Variants in COL11A2 observed in about 807,000 individuals in gnomAD.
COL11A2 encodes the protein collagen type XI alpha 2 chain, also known as collagen alpha-2(XI) chain.
COL11A2 carries 116 observed loss-of-function variants against 273.4 expected under a neutral mutation model. The ratio of observed to expected loss-of-function variants is 0.42; its 90% CI spans 0.36 to 0.49. COL11A2 has a LOEUF of 0.49. Among genes scored for constraint, COL11A2 ranks in the 20% least tolerant of loss-of-function variants. The probability of loss-of-function intolerance (pLI) is 0.00; values close to 1 mark genes in which losing one functional copy is unlikely to be tolerated. For synonymous variants in COL11A2, 782 were observed against 864.2 expected (o/e 0.90, Z 1.67); for missense variants, 1,866 against 2,309.0 (o/e 0.81, Z 3.93).
rs1770827134 is a variant in COL11A2 at position 33,175,895 on chromosome 6, G to A, written c.2268+121C>T. The A allele has an allele frequency of 3.8e-6, 5 of 1,318,098 alleles. No individual in the cohort carries two copies. In the African/African-American group the frequency reaches 4.3e-5, roughly 11 times the overall value. The allele number at this position is 1,318,098 out of a possible 1,614,324, so 81.7% of individuals were successfully genotyped here. A position where few individuals can be genotyped will look rare whatever the true frequency, so the allele number is the denominator to read the frequency against. Reference sequence around the variant, plus strand: ...CATCCTGTAGGGGTCAGGCTCCCAAGGGAACACAGCACTGGAACTGTGGAG... The same window carrying A: ...CATCCTGTAGGGGTCAGGCTCCCAAAGGAACACAGCACTGGAACTGTGGAG... On this transcript the variant is annotated intron_variant, in intron 29 of 65. Transcript: ENST00000341947.
At chr6:33,192,096 T>A in intron 1 of COL11A2, 63 bp downstream of exon 1, 1 of 1,482,594 alleles carries the variant, frequency 6.7e-7, no homozygotes, top group Non-Finnish European at 9.2e-7. Flanking sequence ...AGCTGGCCCC[T>A]TCCCAGAGAC....
At position 33,177,658 on chromosome 6, in the gene COL11A2, T is replaced by C; in HGVS notation, c.1917+4A>G. Reference sequence around the variant, plus strand: ...GGGGGTGGGATCTCCTATCCATCACTCACCAAGCTCCCTTTGGGGCCCTGG... The same window carrying C: ...GGGGGTGGGATCTCCTATCCATCACCCACCAAGCTCCCTTTGGGGCCCTGG... On this transcript the variant is annotated splice_donor_region_variant and intron_variant, in intron 22 of 65. Transcript: ENST00000341947. This position sits in a 1 kb window ranked among gnomAD's most constrained non-coding sequence, Gnocchi z 5.9. 4 of 1,612,846 alleles carry C rather than the reference T, an allele frequency of 2.5e-6. No homozygotes were observed. The highest frequency in any genetic ancestry group is 3.4e-6 in the Non-Finnish European group (4 of 1,179,940).
upstream of COL11A2, among the ~76,000 whole-genome samples, chr6:33,193,377 C>T (rs927715132): frequency 6.8e-6 from 1 of 146,858 alleles, no homozygotes; most frequent in Non-Finnish European, 1.5e-5. Flanking sequence ...CCACCGCCCC[C>T]CCTTCCTCCT....
In COL11A2 at chr6:33,177,193, AGGGCCGATGGCACCCTG is replaced by A; in HGVS notation, c.1987_2003del (p.Gln663SerfsTer67). 6.2e-7 allele frequency: 1 copy of A among 1,613,026 alleles called. No individual in the cohort carries two copies. Among genetic ancestry groups the A allele is most frequent in the Non-Finnish European group, 8.5e-7 (1 of 1,180,012 alleles). ...CTTAGTCACTTACCTTCTCTCCATG[AGGGCCGATGGCACCCTG>A]GGGCCCGGGAAGACCCTACATACAG... On this transcript the variant is annotated frameshift_variant, in exon 24 of 66. Transcript: ENST00000341947. LOFTEE classifies it high-confidence loss of function. The surrounding 1 kb of genome is among the most constrained non-coding windows in gnomAD (Gnocchi z 5.9).
rs771224567 is a variant in COL11A2 at position 33,167,021 on chromosome 6, G to A, written c.4230+49C>T. The A allele has an allele frequency of 2.0e-5, 33 of 1,610,706 alleles. No individual in the cohort carries two copies. Among genetic ancestry groups the A allele is most frequent in the Non-Finnish European group, 1.7e-6 (2 of 1,178,740 alleles). On this transcript the variant is annotated intron_variant, in intron 58 of 65. Coordinates refer to ENST00000341947, the MANE Select transcript of COL11A2 (RefSeq NM_080680.3). This position sits in a 1 kb window ranked among gnomAD's most constrained non-coding sequence, Gnocchi z 6.1. Reference sequence around the variant, plus strand: ...CACTTGGGTCCCACAGGTTTCAGGGGCGAGGGTGATGGGAGAGACACCTGG... The same window carrying A: ...CACTTGGGTCCCACAGGTTTCAGGGACGAGGGTGATGGGAGAGACACCTGG...
In COL11A2 at chr6:33,164,916, C is replaced by T. The variant is rs1799912; in HGVS notation, c.4799G>A (p.Arg1600Gln). The T allele has an allele frequency of 1.2e-3, 1,898 of 1,581,402 alleles. 44 individuals are homozygous for T. In the East Asian group the frequency reaches 0.033, roughly 28 times the overall value. Residue 1600 changes from arginine (R) to glutamine (Q), a missense_variant, in exon 64 of 66, where the codon CGA becomes CAA. Arg to Gln is a conservative substitution (Grantham distance 43). Coordinates refer to ENST00000341947, the MANE Select transcript of COL11A2 (RefSeq NM_080680.3). The surrounding 1 kb of genome is among the most constrained non-coding windows in gnomAD (Gnocchi z 4.7). ...PNQGCARDAFRVFCNFTAGGE... is the reference protein window; with the variant it reads ...PNQGCARDAFQVFCNFTAGGE... ...CCCTGCTGTGAAGTTGCAGAAAACT[C>T]GGAAGGCATCCCGAGCACAGCCCTG...
chr6:33,185,130 G>A, intron 6 of COL11A2, 76 bp from the exon 7 acceptor site: 1 of 1,076,310 alleles, frequency 9.3e-7, no homozygotes, highest in East Asian at 2.6e-5. Flanking sequence ...GGGAGGCAAA[G>A]CAGCACCTGT....
At chr6:33,180,585 A>G in intron 11 of COL11A2, 83 bp downstream of exon 11, 1 of 1,331,008 alleles carries the variant, frequency 7.5e-7, no homozygotes, top group Non-Finnish European at 1.0e-6. Context: ...ACCTAACAGG[A>G]AATTACTGGG....
rs1772469617 is a variant in COL11A2 at position 33,186,739 on chromosome 6, T to A, written c.686A>T (p.Glu229Val). The A allele has an allele frequency of 6.2e-7, 1 of 1,614,080 alleles. No individual in the cohort carries two copies. Among genetic ancestry groups the A allele is most frequent in the Non-Finnish European group, 8.5e-7 (1 of 1,180,016 alleles). The change falls in exon 5 of 66, where the codon GAG (glutamate) becomes GTG (valine). Residue 229 changes from glutamate to valine, a missense_variant. Glu to Val is a moderately radical substitution (Grantham distance 121). Coordinates refer to ENST00000341947, the MANE Select transcript of COL11A2 (RefSeq NM_080680.3). Reference sequence around the variant, plus strand: ...TTGGGGTCTTTCCCTCTGGCCCCCCTCGCATTCCAGCTCCTTCTGTTCACA... The same window carrying A: ...TTGGGGTCTTTCCCTCTGGCCCCCCACGCATTCCAGCTCCTTCTGTTCACA... Reference protein sequence around the residue: ...ESCEQKELECEGGQRERPQNQ... With the variant: ...ESCEQKELECVGGQRERPQNQ...
In COL11A2 at chr6:33,177,601, G is replaced by T; in HGVS notation, c.1917+61C>A. On this transcript the variant is annotated intron_variant, in intron 22 of 65. Coordinates refer to ENST00000341947, the MANE Select transcript of COL11A2 (RefSeq NM_080680.3). The surrounding 1 kb of genome is among the most constrained non-coding windows in gnomAD (Gnocchi z 5.9). ...GCAGGGGTCAAAATGGCGGCCAACA[G>T]GATGCTGGCAGGGACCTCGGGGGAT... 6.2e-7 allele frequency: 1 copy of T among 1,600,352 alleles called. No homozygotes were observed. The highest frequency in any genetic ancestry group is 8.6e-7 in the Non-Finnish European group (1 of 1,168,814).
At position 33,174,018 on chromosome 6, in the gene COL11A2, C is replaced by A; in HGVS notation, c.2522G>T (p.Gly841Val). ...SGKSGPRGERGPTGPRGQRGP... is the reference protein window; with the variant it reads ...SGKSGPRGERVPTGPRGQRGP... ...TCTCTCCCCTGCACTCACCGTGGGG[C>A]CCCGTTCTCCCCGAGGCCCTGACTT... Residue 841 changes from glycine to valine, a missense_variant, in exon 33 of 66, where the codon GGC becomes GTC. Gly to Val is a moderately radical substitution (Grantham distance 109). Coordinates refer to ENST00000341947, the MANE Select transcript of COL11A2 (RefSeq NM_080680.3). 6.2e-7 allele frequency: 1 copy of A among 1,614,012 alleles called. No homozygotes were observed. Among genetic ancestry groups the A allele is most frequent in the Non-Finnish European group, 8.5e-7 (1 of 1,179,992 alleles).
intron 8 of COL11A2, 145 bp from the exon 9 acceptor site, chr6:33,181,315 A>C: frequency 1.2e-6 from 1 of 829,664 alleles, no homozygotes; most frequent in Non-Finnish European, 2.0e-6. Flanking sequence ...CCCTCCCCTA[A>C]AACTCCCTCT....
intron 31 of COL11A2, 105 bp from the exon 32 acceptor site, chr6:33,174,323 C>G (rs1770595055): frequency 6.7e-7 from 1 of 1,481,682 alleles, no homozygotes; most frequent in African/African-American, 1.4e-5. Context: ...GCCAGGGAGA[C>G]CCGAGCTCTG....
At chr6:33,192,854 C>T (rs1218629490), upstream of COL11A2, among the ~76,000 whole-genome samples, 2 of 151,978 alleles carry the variant, frequency 1.3e-5, no homozygotes, top group East Asian at 3.9e-4. Flanking sequence ...GTCCCCACCC[C>T]ACCCATAATC....
rs139519349 is a variant in COL11A2, at chr6:33,182,445, C to T, written c.1120-1275G>A. ...TAAATTTGGAGGCCAGGCACGGTGG[C>T]GCACGCCTGTAATCCCAGCACTTTG... is the stretch of plus-strand genomic sequence containing the variant. On this transcript the variant is annotated intron_variant, in intron 8 of 65. Coordinates refer to ENST00000341947, the MANE Select transcript of COL11A2 (RefSeq NM_080680.3). 4.9e-4 allele frequency among the ~76,000 whole-genome samples: 75 copies of T among 152,212 alleles called. No individual in the cohort carries two copies. The East Asian group carries it at 0.011, about 22-fold the overall frequency.
rs999343061 is a variant in COL11A2, at chr6:33,170,167, A to T, written c.3583-67T>A. 2.5e-6 allele frequency: 4 copies of T among 1,605,716 alleles called. No homozygotes were observed. The highest frequency in any genetic ancestry group is 3.4e-6 in the Non-Finnish European group (4 of 1,173,476). ...GGTGCCATTTCAGGGGCAAAGTCCC[A>T]GATGAGCAGCCCAAGGTTACAGCAG... On this transcript the variant is annotated intron_variant, in intron 48 of 65. Transcript: ENST00000341947. The surrounding 1 kb of genome is among the most constrained non-coding windows in gnomAD (Gnocchi z 4.3).
chr6:33,168,505 T>TC lies in COL11A2; in HGVS notation c.3960+13dup. On this transcript the variant is annotated intron_variant, in intron 54 of 65. Transcript: ENST00000341947. ...GGACTGCCTCCCAAGGTCTCAGGGG[T>TC]CCACCTCACTTACTCGCTTTCCAAG... 2 of 1,613,162 alleles carry TC rather than the reference T, an allele frequency of 1.2e-6. No individual in the cohort carries two copies. Among genetic ancestry groups the TC allele is most frequent in the Non-Finnish European group, 1.7e-6 (2 of 1,179,804 alleles).
chr6:33,188,324 G>A (rs559433201), intron 4 of COL11A2, 38 bp downstream of exon 4: 2 of 1,611,940 alleles, frequency 1.2e-6, no homozygotes, highest in African/African-American at 1.3e-5. Flanking sequence ...CAAGATAGGG[G>A]ACCAGAAGTC....
At position 33,170,721 on chromosome 6, in the gene COL11A2, T is replaced by G; in HGVS notation, c.3474+89A>C. ...CTCAGACTCCGCAGGCCCTCCAGTC[T>G]GCATCGGCAGGCTGCTGGCAGAGTC... On this transcript the variant is annotated intron_variant, in intron 46 of 65. Coordinates refer to ENST00000341947, the MANE Select transcript of COL11A2 (RefSeq NM_080680.3). The surrounding 1 kb of genome is among the most constrained non-coding windows in gnomAD (Gnocchi z 4.3). 1 of 1,581,810 alleles carries G rather than the reference T, an allele frequency of 6.3e-7. No homozygotes were observed. The highest frequency in any genetic ancestry group is 8.7e-7 in the Non-Finnish European group (1 of 1,151,976).
Sources: gnomAD v4.1 joint callset for allele counts (sites outside exome capture counted in the v4.1 genomes callset) on GRCh38, gnomAD v4.1.1 for gene constraint, Gnocchi (gnomAD v3.1) non-coding constraint, MANE v1.5 for transcripts, NCBI Gene and HGNC (gene_info 2026-07-23, HGNC 2026-07-21) for gene names.